HDAC4: variants seen among roughly 807,000 people sequenced by gnomAD.
HDAC4 encodes the protein histone deacetylase 4.
In HDAC4, 16 loss-of-function variants were observed where a neutral mutation model predicts 135.1. The observed-to-expected ratio is 0.12, with a 90% CI of 0.08 to 0.18. The LOEUF (loss-of-function observed/expected upper bound fraction) is 0.18. Ranked by LOEUF, HDAC4 falls within the 10% of genes least tolerant of loss-of-function variation. HDAC4 has a pLI of 1.00. For missense variants in HDAC4, 1,143 were observed against 1,511.8 expected, an observed-to-expected ratio of 0.76 and a Z score of 4.05; for synonymous variants, 685 against 653.4, an observed-to-expected ratio of 1.05 and a Z score of -0.74.
intron 2 of HDAC4, among the ~76,000 whole-genome samples, chr2:239,275,571 G>C (rs531832341): frequency 1.6e-4 from 24 of 152,182 alleles, no homozygotes; most frequent in African/African-American, 5.5e-4. Context: ...GGGCCGCCAC[G>C]AGGGGGACAC....
intron 5 of HDAC4, among the ~76,000 whole-genome samples, chr2:239,170,965 C>T (rs1295112428): frequency 6.6e-6 from 1 of 152,110 alleles, no homozygotes; most frequent in Non-Finnish European, 1.5e-5. Context: ...CCTTTGAAGG[C>T]CTGAAACCCA....
intron 2 of HDAC4, among the ~76,000 whole-genome samples, chr2:239,258,795 T>C (rs891751688): frequency 6.6e-6 from 1 of 152,224 alleles, no homozygotes; most frequent in Non-Finnish European, 1.5e-5. Flanking sequence ...AAATGGCAGA[T>C]GGGCACACAA....
intron 2 of HDAC4, chr2:239,298,333 G>A (rs1267260491): frequency 9.0e-6 from 11 of 1,216,222 alleles, no homozygotes; most frequent in Non-Finnish European, 1.1e-5. Flanking sequence ...ACGTGGAGAT[G>A]AGAGAAGATG....
At chr2:239,329,443 G>T (rs554616211) in intron 2 of HDAC4, among the ~76,000 whole-genome samples, 1 of 152,246 alleles carries the variant, frequency 6.6e-6, no homozygotes, top group Admixed American at 6.5e-5. Context: ...CTTGGGCTGG[G>T]AGGGCAGGGG....
intron 6 of HDAC4, among the ~76,000 whole-genome samples, chr2:239,157,326 A>G (rs528371945): frequency 1.2e-4 from 19 of 152,174 alleles, no homozygotes; most frequent in Non-Finnish European, 2.4e-4. Flanking sequence ...CCGTGCCTTC[A>G]CCAAACTCAC....
chr2:239,375,587 C>T (rs554051957), intron 1 of HDAC4, among the ~76,000 whole-genome samples: 5 of 152,374 alleles, frequency 3.3e-5, no homozygotes, highest in South Asian at 4.1e-4. Context: ...ACCTGGCACA[C>T]GGACACCACG....
chr2:239,122,589 G>A (rs1018418703), intron 12 of HDAC4, among the ~76,000 whole-genome samples: 5 of 152,172 alleles, frequency 3.3e-5, no homozygotes, highest in African/African-American at 7.2e-5. Context: ...CCACCATCCC[G>A]ACCACAGGCT....
chr2:239,281,917 TACAC>T (rs1204034235), intron 2 of HDAC4, among the ~76,000 whole-genome samples: 7 of 134,724 alleles, frequency 5.2e-5, no homozygotes, highest in Middle Eastern at 6.7e-3. Flanking sequence ...CACACCACAC[TACAC>T]ACAATGTACA....
intron 16 of HDAC4, among the ~76,000 whole-genome samples, chr2:239,097,725 C>T (rs911251961): frequency 2.6e-5 from 4 of 152,196 alleles, no homozygotes; most frequent in African/African-American, 4.8e-5. Flanking sequence ...AGGAGGAGGG[C>T]GTGGGTGCCA....
chr2:239,061,781 G>A lies in HDAC4; in HGVS notation c.3003+4941C>T, dbSNP rs946483972. Among the ~76,000 whole-genome samples, 15 of 152,290 alleles carry A rather than the reference G, an allele frequency of 9.8e-5. No homozygotes were observed. In the South Asian group the frequency reaches 1.2e-3, roughly 13 times the overall value. ...GACATAACTAATAAGCTAAACTCCC[G>A]GGGGAAAACCTTTTCCACACGACAC... On this transcript the variant is annotated intron_variant, in intron 24 of 26. Coordinates refer to ENST00000543185, the MANE Select transcript of HDAC4 (RefSeq NM_001378414.1).
intron 3 of HDAC4, among the ~76,000 whole-genome samples, chr2:239,198,623 C>T (rs1202473959): frequency 2.0e-5 from 3 of 152,194 alleles, no homozygotes. Context: ...CTGGTGAGTT[C>T]TCAGTGCTCC....
At chr2:239,192,646 C>CA (rs1044923042) in intron 3 of HDAC4, among the ~76,000 whole-genome samples, 1 of 152,176 alleles carries the variant, frequency 6.6e-6, no homozygotes, top group African/African-American at 2.4e-5. Context: ...CCTGAACACA[C>CA]AGTCTCGTGA....
At position 239,313,608 on chromosome 2, in the gene HDAC4, C is replaced by G. The variant is rs1455372066; in HGVS notation, c.22+39070G>C. Among the ~76,000 whole-genome samples, 1 of 152,208 alleles carries G rather than the reference C, an allele frequency of 6.6e-6. No individual in the cohort carries two copies. Among genetic ancestry groups the G allele is most frequent in the African/African-American group, 2.4e-5 (1 of 41,452 alleles). ...AGCACCTCCTGACCCCCCGATCTCC[C>G]AGACTCTCTGCTGGAAGTTAAGGAC... On this transcript the variant is annotated intron_variant, in intron 2 of 26. Coordinates refer to ENST00000543185, the MANE Select transcript of HDAC4 (RefSeq NM_001378414.1). The surrounding 1 kb of genome is among the most constrained non-coding windows in gnomAD (Gnocchi z 5.1).
At position 239,285,668 on chromosome 2, in the gene HDAC4, A is replaced by C. The variant is rs894331513; in HGVS notation, c.23-49004T>G. On this transcript the variant is annotated intron_variant, in intron 2 of 26. Transcript: ENST00000543185. This position sits in a 1 kb window ranked among gnomAD's most constrained non-coding sequence, Gnocchi z 4.5. ...GTGCTGTGGAAACCCCAGGTTCTGC[A>C]TAAGACATACCTTCTGTCACACTGC... is the stretch of plus-strand genomic sequence containing the variant. Among the ~76,000 whole-genome samples the C allele has an allele frequency of 6.6e-6, 1 of 152,214 alleles. No individual in the cohort carries two copies. The highest frequency in any genetic ancestry group is 6.5e-5 in the Admixed American group (1 of 15,278).
chr2:239,149,192 A>C (rs551217995), intron 7 of HDAC4, among the ~76,000 whole-genome samples: 28 of 152,192 alleles, frequency 1.8e-4, no homozygotes, highest in African/African-American at 6.7e-4. Flanking sequence ...ACCTGAAGTC[A>C]GGAGTTTGAG....
chr2:239,269,587 TGGA>T (rs1242630672), intron 2 of HDAC4, among the ~76,000 whole-genome samples: 3 of 152,346 alleles, frequency 2.0e-5, no homozygotes, highest in East Asian at 1.9e-4. Flanking sequence ...GCTGGCCTCC[TGGA>T]GGAGGAGGGT....
chr2:239,066,302 G>A (rs995520263), intron 24 of HDAC4, among the ~76,000 whole-genome samples: 1 of 152,198 alleles, frequency 6.6e-6, no homozygotes, highest in African/African-American at 2.4e-5. Context: ...AAGAGCCCCA[G>A]CCTGCCTTGG....
At chr2:239,333,623 A>G (rs1409597719) in intron 2 of HDAC4, among the ~76,000 whole-genome samples, 1 of 152,196 alleles carries the variant, frequency 6.6e-6, no homozygotes, top group Non-Finnish European at 1.5e-5. Context: ...TCAACACAAT[A>G]AAATAAAGAA....
chr2:239,369,102 CCT>C (rs1279502554), intron 1 of HDAC4, among the ~76,000 whole-genome samples: 1 of 152,124 alleles, frequency 6.6e-6, no homozygotes, highest in Non-Finnish European at 1.5e-5. Context: ...AGGGAGGAAT[CCT>C]CTCTGTTTGA....
Sources: gnomAD v4.1 joint callset for allele counts (sites outside exome capture counted in the v4.1 genomes callset) on GRCh38, gnomAD v4.1.1 for gene constraint, Gnocchi (gnomAD v3.1) non-coding constraint, MANE v1.5 for transcripts, NCBI Gene and HGNC (gene_info 2026-07-23, HGNC 2026-07-21) for gene names.